Variants in SLC7A1 observed in about 807,000 individuals in gnomAD.
The protein encoded by SLC7A1 is solute carrier family 7 member 1.
A neutral mutation model predicts 53.9 loss-of-function variants in SLC7A1; 10 were observed. That is an observed-to-expected ratio of 0.19 (90% CI 0.11 to 0.31). The LOEUF (loss-of-function observed/expected upper bound fraction) is 0.31, where lower values mean the gene tolerates loss of function less well. Ranked by LOEUF, SLC7A1 falls within the 10% of genes least tolerant of loss-of-function variation. SLC7A1 has a pLI of 1.00. For synonymous variants in SLC7A1, 342 were observed against 338.7 expected (o/e 1.01, Z -0.11); for missense variants, 525 against 827.2 (o/e 0.63, Z 4.48).
intron 1 of SLC7A1, among the ~76,000 whole-genome samples, chr13:29,593,786 A>G (rs1051738028): frequency 3.9e-5 from 6 of 152,094 alleles, no homozygotes; most frequent in Non-Finnish European, 8.8e-5. Flanking sequence ...ACCTAAAGCA[A>G]GTAATCATAT....
At chr13:29,525,231 T>C (rs1230158448) in intron 5 of SLC7A1, among the ~76,000 whole-genome samples, 1 of 152,198 alleles carries the variant, frequency 6.6e-6, no homozygotes, top group Non-Finnish European at 1.5e-5. Flanking sequence ...ATTGCACTCC[T>C]TGTGGTTCAA....
intron 3 of SLC7A1, 89 bp from the exon 4 acceptor site, chr13:29,533,071 C>G: frequency 7.7e-7 from 1 of 1,304,090 alleles, no homozygotes; most frequent in South Asian, 1.5e-5. Flanking sequence ...AACATCATTG[C>G]AGGAGTCACC....
At chr13:29,591,282 G>A (rs1872098346) in intron 1 of SLC7A1, among the ~76,000 whole-genome samples, 1 of 152,172 alleles carries the variant, frequency 6.6e-6, no homozygotes, top group Non-Finnish European at 1.5e-5. Flanking sequence ...GGCACTAGAA[G>A]GCAATTATTA....
intron 8 of SLC7A1, 24 bp downstream of exon 8, chr13:29,522,293 T>A (rs200845749): frequency 6.2e-7 from 1 of 1,612,824 alleles, no homozygotes; most frequent in Admixed American, 1.7e-5. Flanking sequence ...AACATTTCCA[T>A]GTGAAATGAG....
chr13:29,518,816 G>A (rs1407549761), intron 9 of SLC7A1, among the ~76,000 whole-genome samples: 1 of 152,160 alleles, frequency 6.6e-6, no homozygotes, highest in Non-Finnish European at 1.5e-5. Flanking sequence ...GATGGAAGCT[G>A]CGCAGGGATG....
At chr13:29,553,572 C>G (rs906319621) in intron 2 of SLC7A1, among the ~76,000 whole-genome samples, 189 bp downstream of exon 2, 2 of 152,260 alleles carry the variant, frequency 1.3e-5, no homozygotes, top group East Asian at 1.9e-4. Context: ...GTCAATGGGT[C>G]TGGACAGGTA....
chr13:29,577,869 G>A (rs1018436764), intron 1 of SLC7A1, among the ~76,000 whole-genome samples: 3 of 152,184 alleles, frequency 2.0e-5, no homozygotes, highest in African/African-American at 2.4e-5. Flanking sequence ...TAGCCCCCGC[G>A]TGCTGGGCAA....
intron 1 of SLC7A1, among the ~76,000 whole-genome samples, chr13:29,584,829 C>T (rs975824100): frequency 6.6e-6 from 1 of 152,130 alleles, no homozygotes; most frequent in African/African-American, 2.4e-5. Flanking sequence ...GTTTCAATAC[C>T]GTTCGATATT....
At chr13:29,547,858 G>A (rs529860990) in intron 2 of SLC7A1, among the ~76,000 whole-genome samples, 6 of 152,300 alleles carry the variant, frequency 3.9e-5, no homozygotes, top group South Asian at 2.1e-4. Flanking sequence ...AAAGGACTTC[G>A]TCTGGGGCTG....
chr13:29,580,423 TC>T (rs1462627278), intron 1 of SLC7A1, among the ~76,000 whole-genome samples: 5 of 152,064 alleles, frequency 3.3e-5, no homozygotes, highest in Non-Finnish European at 5.9e-5. Context: ...CATAACTGCC[TC>T]CCCGTTTTGA....
rs149594793 is a variant in SLC7A1 at position 29,544,768 on chromosome 13, C to T, written c.-14-8566G>A. On this transcript the variant is annotated intron_variant, in intron 2 of 12. Coordinates refer to ENST00000380752, the MANE Select transcript of SLC7A1 (RefSeq NM_003045.5). ...CAACAAATTCTGGGGAATGGCATGG[C>T]GGCGAGGGCAGTGGGGAGAGGGTGT... Among the ~76,000 whole-genome samples the T allele has an allele frequency of 4.3e-3, 606 of 140,730 alleles. 1 individual carries two copies. The highest frequency in any genetic ancestry group is 0.014 in the African/African-American group (567 of 39,520). The allele number at this position is 140,730 out of a possible 152,430, so 92.3% of individuals were successfully genotyped here. A position where few individuals can be genotyped will look rare whatever the true frequency, so the allele number is the denominator to read the frequency against.
Position 29,536,121 on chromosome 13 carries a change from C to A in SLC7A1, c.68G>T (p.Arg23Leu). 1 of 1,614,020 alleles carries A rather than the reference C, an allele frequency of 6.2e-7. No homozygotes were observed. Among genetic ancestry groups the A allele is most frequent in the Non-Finnish European group, 8.5e-7 (1 of 1,180,038 alleles). Reference sequence around the variant, plus strand: ...GCAGCGAGACAGCCGCGTCTCCTCCCGGCTACAGTCCACCACCTTCCGCCG... The same window carrying A: ...GCAGCGAGACAGCCGCGTCTCCTCCAGGCTACAGTCCACCACCTTCCGCCG... ...MLRRKVVDCS[R>L]EETRLSRCLN... The change falls in exon 3 of 13, where the codon CGG (arginine) becomes CTG (leucine). Residue 23 changes from arginine (R) to leucine (L), a missense_variant. Physicochemically the swap from Arg to Leu is moderately radical, Grantham distance 102. Transcript: ENST00000380752.
At chr13:29,526,916 G>A (rs1311020973) in intron 5 of SLC7A1, among the ~76,000 whole-genome samples, 2 of 152,162 alleles carry the variant, frequency 1.3e-5, no homozygotes, top group African/African-American at 4.8e-5. Context: ...GTGTGCAACC[G>A]TGAGCATCCG....
At chr13:29,580,483 A>C (rs1871598293) in intron 1 of SLC7A1, among the ~76,000 whole-genome samples, 1 of 152,002 alleles carries the variant, frequency 6.6e-6, no homozygotes, top group Non-Finnish European at 1.5e-5. Context: ...ACATAAACAC[A>C]TGCGGAGAAC....
chr13:29,586,470 T>C (rs779619594), intron 1 of SLC7A1, among the ~76,000 whole-genome samples: 2 of 152,236 alleles, frequency 1.3e-5, no homozygotes, highest in African/African-American at 2.4e-5. Context: ...ACACGGAACA[T>C]GGGAAATTGC....
intron 5 of SLC7A1, among the ~76,000 whole-genome samples, chr13:29,526,230 C>T (rs927871128): frequency 8.5e-5 from 13 of 152,056 alleles, no homozygotes; most frequent in African/African-American, 2.2e-4. Flanking sequence ...TATGGGAGGC[C>T]GAGGCGGGAG....
intron 5 of SLC7A1, among the ~76,000 whole-genome samples, chr13:29,524,792 G>A (rs1458906826): frequency 6.6e-6 from 1 of 152,234 alleles, no homozygotes; most frequent in African/African-American, 2.4e-5. Flanking sequence ...CTTTTGCCAG[G>A]TGTGTGGGGC....
intron 4 of SLC7A1, 142 bp downstream of exon 4, chr13:29,532,682 C>G (rs999882102): frequency 3.0e-6 from 2 of 662,014 alleles, no homozygotes; most frequent in African/African-American, 3.6e-5. Context: ...AATAAAGATG[C>G]CTGCATGCAG....
At chr13:29,542,134 T>A (rs1457663700) in intron 2 of SLC7A1, among the ~76,000 whole-genome samples, 1 of 152,152 alleles carries the variant, frequency 6.6e-6, no homozygotes, top group African/African-American at 2.4e-5. Flanking sequence ...AGAGAATACC[T>A]TTCACTGTGC....
Sources: gnomAD v4.1 joint callset for allele counts (sites outside exome capture counted in the v4.1 genomes callset) on GRCh38, gnomAD v4.1.1 for gene constraint, MANE v1.5 for transcripts, NCBI Gene and HGNC (gene_info 2026-07-23, HGNC 2026-07-21) for gene names.